Variants in PSD3 observed in about 807,000 individuals in gnomAD.
The protein encoded by PSD3 is pleckstrin and Sec7 domain containing 3.
A neutral mutation model predicts 105.5 loss-of-function variants in PSD3; 49 were observed. That is an observed-to-expected ratio of 0.46 (90% CI 0.37 to 0.59). The LOEUF (loss-of-function observed/expected upper bound fraction) is 0.59, where lower values mean the gene tolerates loss of function less well. Ranked by LOEUF, PSD3 falls within the 20% of genes least tolerant of loss-of-function variation. PSD3 has a pLI of 0.00. For missense variants in PSD3, 1,561 were observed against 1,263.8 expected, an observed-to-expected ratio of 1.24 and a Z score of -3.57; for synonymous variants, 557 against 457.8, an observed-to-expected ratio of 1.22 and a Z score of -2.77.
At chr8:18,688,532 T>C (rs960460707) in intron 9 of PSD3, among the ~76,000 whole-genome samples, 1 of 152,246 alleles carries the variant, frequency 6.6e-6, no homozygotes, top group African/African-American at 2.4e-5. Context: ...GGTCTTATTA[T>C]TGAACATTTA....
At chr8:18,553,721 A>C (rs2130116287) in intron 15 of PSD3, among the ~76,000 whole-genome samples, 1 of 152,322 alleles carries the variant, frequency 6.6e-6, no homozygotes. Context: ...ATGTTAATTT[A>C]AATTACTGAA....
At chr8:18,985,599 T>C (rs1315966240) in intron 1 of PSD3, among the ~76,000 whole-genome samples, 3 of 152,198 alleles carry the variant, frequency 2.0e-5, no homozygotes, top group African/African-American at 4.8e-5. Flanking sequence ...TTTACTTGTC[T>C]TTTGTCAAGA....
intron 1 of PSD3, among the ~76,000 whole-genome samples, chr8:19,046,927 G>T (rs956984117): frequency 1.3e-5 from 2 of 152,198 alleles, no homozygotes; most frequent in Non-Finnish European, 2.9e-5. Flanking sequence ...GTGAACACTT[G>T]TCTCTCATCA....
At chr8:18,663,107 G>T (rs953775788) in intron 9 of PSD3, among the ~76,000 whole-genome samples, 1 of 152,160 alleles carries the variant, frequency 6.6e-6, no homozygotes, top group Non-Finnish European at 1.5e-5. Context: ...AATATGGCCA[G>T]CATCTCTGGG....
At chr8:18,761,943 T>A (rs1407469435) in intron 9 of PSD3, among the ~76,000 whole-genome samples, 1 of 152,218 alleles carries the variant, frequency 6.6e-6, no homozygotes, top group East Asian at 1.9e-4. Context: ...TGAATGACTG[T>A]CTTGATTTGG....
At chr8:18,642,297 G>A (rs980086847) in intron 10 of PSD3, among the ~76,000 whole-genome samples, 3 of 152,068 alleles carry the variant, frequency 2.0e-5, no homozygotes, top group Non-Finnish European at 4.4e-5. Context: ...ACTTCCTTGA[G>A]TATTCTTGAT....
At chr8:18,934,306 A>C (rs1413169574) in intron 2 of PSD3, among the ~76,000 whole-genome samples, 1 of 152,250 alleles carries the variant, frequency 6.6e-6, no homozygotes, top group African/African-American at 2.4e-5. Flanking sequence ...TGCACTTATA[A>C]TATCGGCCTC....
intron 2 of PSD3, among the ~76,000 whole-genome samples, chr8:18,890,310 C>T (rs954144503): frequency 5.9e-5 from 9 of 151,976 alleles, no homozygotes; most frequent in African/African-American, 1.9e-4. Context: ...AAATTCAATG[C>T]CAATTTAAGG....
intron 1 of PSD3, among the ~76,000 whole-genome samples, chr8:19,055,390 G>A (rs1586673959): frequency 6.6e-6 from 1 of 150,902 alleles, no homozygotes; most frequent in African/African-American, 2.4e-5. Context: ...CGTAGCTGGG[G>A]TTACAGGCGC....
At chr8:18,971,934 G>A (rs1824677391) in intron 1 of PSD3, among the ~76,000 whole-genome samples, 1 of 152,116 alleles carries the variant, frequency 6.6e-6, no homozygotes, top group South Asian at 2.1e-4. Context: ...GAGCCTGGGA[G>A]GCAGAGGTTG....
chr8:18,787,404 A>C (rs12544519), intron 8 of PSD3, among the ~76,000 whole-genome samples: 3,331 of 152,330 alleles, frequency 0.022, 160 homozygotes, highest in East Asian at 0.14. Context: ...AGATGCAACT[A>C]AAGATGAAGC....
intron 4 of PSD3, among the ~76,000 whole-genome samples, chr8:18,841,803 A>G (rs1005765402): frequency 6.6e-6 from 1 of 152,214 alleles, no homozygotes; most frequent in African/African-American, 2.4e-5. Flanking sequence ...CTGGGGGAGA[A>G]GCCCTAAACA....
rs75301324 is a variant in PSD3, at chr8:18,821,395, A to C, written c.1635-16497T>G. On this transcript the variant is annotated intron_variant, in intron 4 of 15. Coordinates refer to ENST00000327040, the MANE Select transcript of PSD3 (RefSeq NM_015310.4). ...TTTTACTTTTTCATTTTCCAAAAAA[A>C]ATAATACCAGGTTCCAAAAAGCTGC... Among the ~76,000 whole-genome samples, 1,412 of 152,098 alleles carry C rather than the reference A, an allele frequency of 9.3e-3. 22 individuals carry two copies. Among genetic ancestry groups the C allele is most frequent in the African/African-American group, 0.032 (1,336 of 41,430 alleles).
chr8:18,581,605 C>A (rs991188014), intron 12 of PSD3, among the ~76,000 whole-genome samples: 1 of 152,126 alleles, frequency 6.6e-6, no homozygotes. Flanking sequence ...AAGAAGTGTT[C>A]ACCCGAATTT....
chr8:18,783,201 T>A (rs934489699), intron 8 of PSD3, among the ~76,000 whole-genome samples: 11 of 152,222 alleles, frequency 7.2e-5, no homozygotes, highest in Non-Finnish European at 1.6e-4. Flanking sequence ...TGTTTCCTTT[T>A]GAGTTTCAGT....
chr8:18,915,688 G>C (rs1025304804), intron 2 of PSD3, among the ~76,000 whole-genome samples: 1 of 152,134 alleles, frequency 6.6e-6, no homozygotes, highest in African/African-American at 2.4e-5. Flanking sequence ...GTATCACCTC[G>C]AATCTGTTAG....
At chr8:18,724,237 A>G (rs1468740702) in intron 9 of PSD3, among the ~76,000 whole-genome samples, 1 of 152,186 alleles carries the variant, frequency 6.6e-6, no homozygotes, top group African/African-American at 2.4e-5. Flanking sequence ...AGCGGTCTAT[A>G]AATGGAAGAA....
chr8:19,005,944 C>A (rs541237260), intron 1 of PSD3, among the ~76,000 whole-genome samples: 3 of 151,778 alleles, frequency 2.0e-5, no homozygotes, highest in South Asian at 4.2e-4. Flanking sequence ...AAAAAGGATC[C>A]CATTTAATCT....
At chr8:18,552,947 A>T (rs1800861574) in intron 15 of PSD3, among the ~76,000 whole-genome samples, 1 of 152,084 alleles carries the variant, frequency 6.6e-6, no homozygotes, top group East Asian at 1.9e-4. Context: ...GCTCTCTGTA[A>T]ATTTTTTTTT....
Sources: allele counts gnomAD v4.1 joint callset (sites outside exome capture counted in the v4.1 genomes callset), GRCh38; gene constraint gnomAD v4.1.1; transcripts MANE v1.5; gene names NCBI Gene and HGNC (gene_info 2026-07-23, HGNC 2026-07-21).